The following RAP1B variants were observed in gnomAD, a reference collection of about 807,000 sequenced individuals.
The protein encoded by RAP1B is RAP1B, member of RAS oncogene family, also known as ras-related protein Rap-1b.
Under a neutral mutation model 27.5 loss-of-function variants are expected in RAP1B, and 1 was observed. The observed-to-expected ratio is 0.04, with a 90% CI of 0.01 to 0.17. The LOEUF is 0.17. RAP1B is among the 10% of genes least tolerant of loss of function. The pLI is 1.00. For synonymous variants in RAP1B, 75 were observed against 73.1 expected, an observed-to-expected ratio of 1.03 and a Z score of -0.13; for missense variants, 84 against 214.8, an observed-to-expected ratio of 0.39 and a Z score of 3.81.
At chr12:68,614,641 A>C (rs564635906) in intron 1 of RAP1B, among the ~76,000 whole-genome samples, 1 of 152,336 alleles carries the variant, frequency 6.6e-6, no homozygotes, top group East Asian at 1.9e-4. Flanking sequence ...GGTCTAAGAG[A>C]TTAGGCTGAA....
intron 1 of RAP1B, chr12:68,624,373 TATAAG>T (rs1343142582): frequency 6.6e-6 from 1 of 152,218 alleles, no homozygotes. Flanking sequence ...TTTTTAGTCT[TATAAG>T]GTATTAGGCA....
intron 1 of RAP1B, among the ~76,000 whole-genome samples, chr12:68,638,456 C>T (rs1181341607): frequency 6.6e-6 from 1 of 152,082 alleles, no homozygotes; most frequent in South Asian, 2.1e-4. Flanking sequence ...AATGGATTTT[C>T]CCAGTTGTGC....
chr12:68,620,946 T>G (rs1224459936), intron 1 of RAP1B, among the ~76,000 whole-genome samples: 2 of 152,170 alleles, frequency 1.3e-5, no homozygotes, highest in African/African-American at 2.4e-5. Flanking sequence ...AGTTTCAGAT[T>G]AGGAGAGTGT....
chr12:68,630,599 G>A (rs996090002), intron 1 of RAP1B, among the ~76,000 whole-genome samples: 4 of 152,070 alleles, frequency 2.6e-5, no homozygotes, highest in Admixed American at 1.3e-4. Flanking sequence ...GTAGGCCCCA[G>A]GTCATGAGGT....
At chr12:68,644,096 A>G (rs535177744) in intron 1 of RAP1B, among the ~76,000 whole-genome samples, 1 of 152,280 alleles carries the variant, frequency 6.6e-6, no homozygotes, top group Admixed American at 6.5e-5. Context: ...TCTGTGATTA[A>G]TATTAGCGGT....
At chr12:68,639,162 A>G (rs1872824056) in intron 1 of RAP1B, among the ~76,000 whole-genome samples, 1 of 152,310 alleles carries the variant, frequency 6.6e-6, no homozygotes, top group African/African-American at 2.4e-5. Flanking sequence ...TTAGAATTCA[A>G]ATGACTTTAC....
intron 4 of RAP1B, among the ~76,000 whole-genome samples, chr12:68,653,291 T>C (rs1195383688): frequency 6.6e-6 from 1 of 152,158 alleles, no homozygotes; most frequent in Admixed American, 6.5e-5. Context: ...TATGTGAAGA[T>C]GAAGGGAAGA....
At chr12:68,611,628 T>G (rs1870599320) in intron 1 of RAP1B, among the ~76,000 whole-genome samples, 1 of 152,118 alleles carries the variant, frequency 6.6e-6, no homozygotes, top group African/African-American at 2.4e-5. Flanking sequence ...AAAGTTTGCC[T>G]GAAACGGGGC....
chr12:68,637,105 A>G (rs975434502), intron 1 of RAP1B, among the ~76,000 whole-genome samples: 7 of 152,212 alleles, frequency 4.6e-5, no homozygotes, highest in Non-Finnish European at 2.9e-5. Context: ...TACTTCTGTC[A>G]TTTGCTGGAA....
intron 1 of RAP1B, among the ~76,000 whole-genome samples, chr12:68,613,024 A>C (rs915298908): frequency 6.6e-6 from 1 of 152,190 alleles, no homozygotes; most frequent in African/African-American, 2.4e-5. Flanking sequence ...ACCAATGCTA[A>C]ACTGACTTAA....
rs934301645 is a variant in RAP1B, at chr12:68,671,233, A to C, written c.*11984A>C. 1 of 152,086 alleles carries C rather than the reference A, an allele frequency of 6.6e-6. No individual in the cohort carries two copies. The highest frequency in any genetic ancestry group is 2.4e-5 in the African/African-American group (1 of 41,400). 9.4% of individuals were successfully genotyped at this position (152,086 alleles called of 1,614,324 possible). A position where few individuals can be genotyped will look rare whatever the true frequency, so the allele number is the denominator to read the frequency against. ...AGAGAACACTACAGTCCCAGAAGAG[A>C]GGTAAAGGGCAAGAAATGAATCATT... On this transcript the variant is annotated 3_prime_UTR_variant, in exon 8 of 8. Transcript: ENST00000250559.
intron 7 of RAP1B, among the ~76,000 whole-genome samples, chr12:68,658,264 T>C (rs1874369336): frequency 1.3e-5 from 2 of 152,244 alleles, no homozygotes; most frequent in Admixed American, 1.3e-4. Flanking sequence ...TTCTGTTTAG[T>C]GGTATATCCT....
rs1874869873 is a variant in RAP1B, at chr12:68,666,710, A to G, written c.*7461A>G. 6.6e-6 allele frequency: 1 copy of G among 152,258 alleles called. No homozygotes were observed. The highest frequency in any genetic ancestry group is 2.4e-5 in the African/African-American group (1 of 41,470). 9.4% of individuals were successfully genotyped at this position (152,258 alleles called of 1,614,324 possible). A position where few individuals can be genotyped will look rare whatever the true frequency, so the allele number is the denominator to read the frequency against. On this transcript the variant is annotated 3_prime_UTR_variant, in exon 8 of 8. Transcript: ENST00000250559. ...CAGAAGTTTGGGGGTTGGGATGTGG[A>G]CATGCCTTTGGGAGCCATTAACAAC...
intron 1 of RAP1B, among the ~76,000 whole-genome samples, chr12:68,615,205 AT>A (rs902523188): frequency 1.9e-4 from 29 of 152,326 alleles, no homozygotes; most frequent in Middle Eastern, 3.4e-3. Flanking sequence ...TTAAGCAGTA[AT>A]TTAGAAAGAT....
At position 68,662,744 on chromosome 12, in the gene RAP1B, C is replaced by T. The variant is rs1301316107; in HGVS notation, c.*3495C>T. On this transcript the variant is annotated 3_prime_UTR_variant, in exon 8 of 8. Transcript: ENST00000250559. The stretch of plus-strand genomic sequence containing the variant: ...CTTGTCTCATAATCTGTCAGTGAGC[C>T]TTAACATTGTGATTTGTAAGACTAA... The T allele has an allele frequency of 6.6e-6, 1 of 152,008 alleles. No homozygotes were observed. Among genetic ancestry groups the T allele is most frequent in the East Asian group, 1.9e-4 (1 of 5,196 alleles). The allele number at this position is 152,008 out of a possible 1,614,324, so 9.4% of individuals were successfully genotyped here. A position where few individuals can be genotyped will look rare whatever the true frequency, so the allele number is the denominator to read the frequency against.
intron 1 of RAP1B, among the ~76,000 whole-genome samples, chr12:68,646,225 T>G (rs12810068): frequency 0.032 from 4,898 of 152,288 alleles, 93 homozygotes; most frequent in South Asian, 0.044. Context: ...TTATGTTGTT[T>G]CGGTCAGTTG....
In RAP1B at chr12:68,611,035, G is replaced by C. The variant is rs1037035807; in HGVS notation, c.-35G>C. ...CGCTGGCTGCAGGGACCCGGTGACA[G>C]CGTGAGAGGTTCGCAGAGTGAGTGC... On this transcript the variant is annotated 5_prime_UTR_variant, in exon 1 of 8. Coordinates refer to ENST00000250559, the MANE Select transcript of RAP1B (RefSeq NM_001010942.3). The C allele has an allele frequency of 1.6e-5, 5 of 304,510 alleles. No individual in the cohort carries two copies. In the Admixed American group the frequency reaches 2.6e-4, roughly 16 times the overall value. 18.9% of individuals were successfully genotyped at this position (304,510 alleles called of 1,614,324 possible). A position where few individuals can be genotyped will look rare whatever the true frequency, so the allele number is the denominator to read the frequency against.
Position 68,611,045 on chromosome 12 carries a change from T to A in RAP1B, c.-27+2T>A, listed in dbSNP as rs1870527162. The A allele has an allele frequency of 3.4e-6, 1 of 291,458 alleles. No individual in the cohort carries two copies. Among genetic ancestry groups the A allele is most frequent in the South Asian group, 1.4e-4 (1 of 6,908 alleles). 18.1% of individuals were successfully genotyped at this position (291,458 alleles called of 1,614,324 possible). On this transcript the variant is annotated splice_donor_variant, in intron 1 of 7. Coordinates refer to ENST00000250559, the MANE Select transcript of RAP1B (RefSeq NM_001010942.3). LOFTEE classifies it low-confidence loss of function (5UTR_SPLICE). ...AGGGACCCGGTGACAGCGTGAGAGGTTCGCAGAGTGAGTGCGTGGCCGCTG... is the reference window on the plus strand; with the variant it reads ...AGGGACCCGGTGACAGCGTGAGAGGATCGCAGAGTGAGTGCGTGGCCGCTG...
chr12:68,645,076 T>G (rs1379170675), intron 1 of RAP1B, among the ~76,000 whole-genome samples: 1 of 152,232 alleles, frequency 6.6e-6, no homozygotes, highest in Non-Finnish European at 1.5e-5. Context: ...TTTCTTTCCT[T>G]ATTCTTTCTT....
Sources: gnomAD v4.1 joint callset for allele counts (sites outside exome capture counted in the v4.1 genomes callset) on GRCh38, gnomAD v4.1.1 for gene constraint, MANE v1.5 for transcripts, NCBI Gene and HGNC (gene_info 2026-07-23, HGNC 2026-07-21) for gene names.